KCNMA1: variants seen among roughly 807,000 people sequenced by gnomAD.
KCNMA1 encodes the protein potassium calcium-activated channel subfamily M alpha 1.
KCNMA1 carries 29 observed loss-of-function variants against 140.0 expected under a neutral mutation model. That is an observed-to-expected ratio of 0.21 (90% confidence interval 0.15 to 0.28). KCNMA1 has a LOEUF of 0.28. Among genes scored for constraint, KCNMA1 ranks in the 10% least tolerant of loss-of-function variants. KCNMA1 has a pLI of 1.00. For synonymous variants in KCNMA1, 612 were observed against 611.9 expected (o/e 1.00, Z 0.00); for missense variants, 880 against 1,602.2 (o/e 0.55, Z 7.70).
intron 2 of KCNMA1, among the ~76,000 whole-genome samples, chr10:77,397,383 C>A (rs185208537): frequency 3.9e-5 from 6 of 152,090 alleles, no homozygotes; most frequent in Admixed American, 2.0e-4. Flanking sequence ...TAATAGTGTA[C>A]ATATTTTGGG....
rs1394556565 is a variant in KCNMA1 at position 77,121,174 on chromosome 10, G to GCTGGTTTATGT, written c.809-127_809-126insACATAAACCAG. ...GGAAGTTCTTGCAGAAGATAAACCA[G>GCTGGTTTATGT]CTGGTACCTCAGACATATTCCTTCA... On this transcript the variant is annotated intron_variant, in intron 5 of 27. Transcript: ENST00000286628. 5.7e-5 allele frequency: 40 copies of GCTGGTTTATGT among 705,142 alleles called. 1 individual carries two copies. The African/African-American group carries it at 6.3e-4, about 11-fold the overall frequency. 43.7% of individuals were successfully genotyped at this position (705,142 alleles called of 1,614,324 possible).
chr10:77,091,483 C>G (rs1339718709), intron 9 of KCNMA1: 1 of 152,172 alleles, frequency 6.6e-6, no homozygotes, highest in Non-Finnish European at 1.5e-5. Flanking sequence ...CAGGAGTGAG[C>G]ATTTGATGCA....
chr10:77,609,066 C>T (rs2085696305), intron 1 of KCNMA1, among the ~76,000 whole-genome samples: 1 of 152,152 alleles, frequency 6.6e-6, no homozygotes, highest in Non-Finnish European at 1.5e-5. Context: ...AATAGAACTA[C>T]CATATGATCC....
intron 25 of KCNMA1, among the ~76,000 whole-genome samples, chr10:76,895,731 T>C (rs2042203606): frequency 2.0e-5 from 3 of 152,118 alleles, no homozygotes; most frequent in Admixed American, 6.6e-5. Context: ...TCCTTAAGTG[T>C]CGGCCAGTCT....
In KCNMA1 at chr10:77,079,550, T is replaced by A; in HGVS notation, c.1524A>T (p.Arg508Ser). 1 of 1,600,110 alleles carries A rather than the reference T, an allele frequency of 6.2e-7. No homozygotes were observed. Among genetic ancestry groups the A allele is most frequent in the Non-Finnish European group, 8.6e-7 (1 of 1,167,276 alleles). Residue 508 changes from arginine (R) to serine (S), a missense_variant and splice_region_variant, in exon 13 of 28, where the codon AGA becomes AGT. Physicochemically the swap from Arg to Ser is moderately radical, Grantham distance 110 (BLOSUM62 -1). Around this residue, in one of 13 missense-constraint regions of KCNMA1, gnomAD observed 198 missense variants for 580.1 expected, o/e 0.34. Coordinates refer to ENST00000286628, the MANE Select transcript of KCNMA1 (RefSeq NM_001161352.2). ...PDAEDASNIMRVISIKNYHPK... is the reference protein window; with the variant it reads ...PDAEDASNIMSVISIKNYHPK... ...GATGGTAGTTCTTTATGGAGATTAC[T>A]CTGAAAAAGAAAGAACCAATGCTGA...
chr10:76,928,254 T>C (rs926661145), intron 23 of KCNMA1, among the ~76,000 whole-genome samples: 2 of 144,724 alleles, frequency 1.4e-5, no homozygotes, highest in Non-Finnish European at 3.0e-5. Flanking sequence ...TTCAGAAAAA[T>C]ACACACACAC....
At chr10:77,473,852 CT>C (rs2098220861) in intron 1 of KCNMA1, among the ~76,000 whole-genome samples, 1 of 152,186 alleles carries the variant, frequency 6.6e-6, no homozygotes, top group Non-Finnish European at 1.5e-5. Flanking sequence ...GTCACCATGG[CT>C]ATAAATAAGT....
At chr10:77,129,967 T>C (rs1432445318) in intron 5 of KCNMA1, among the ~76,000 whole-genome samples, 1 of 152,308 alleles carries the variant, frequency 6.6e-6, no homozygotes, top group Admixed American at 6.5e-5. Flanking sequence ...CCTTACAGAC[T>C]CTGCACCCAT....
chr10:77,057,415 G>T (rs1191999030), intron 14 of KCNMA1, among the ~76,000 whole-genome samples: 2 of 152,046 alleles, frequency 1.3e-5, no homozygotes, highest in Non-Finnish European at 2.9e-5. Context: ...ACATAAGTTG[G>T]ACAAACAGAA....
intron 2 of KCNMA1, among the ~76,000 whole-genome samples, chr10:77,351,379 T>C (rs572208933): frequency 6.6e-6 from 1 of 152,322 alleles, no homozygotes; most frequent in Non-Finnish European, 1.5e-5. Context: ...GAAAATTCTA[T>C]AGATATTCTC....
At position 77,243,857 on chromosome 10, in the gene KCNMA1, GGA is replaced by G. The variant is rs201348509; in HGVS notation, c.602+7336_602+7337del. On this transcript the variant is annotated intron_variant, in intron 3 of 27. Coordinates refer to ENST00000286628, the MANE Select transcript of KCNMA1 (RefSeq NM_001161352.2). ...AAAAAGAGAGGGAGACAGTGGGGAG[GGA>G]GAGAGAGAGATTAGTAGGAGGGTCA... Among the ~76,000 whole-genome samples, 103 of 152,158 alleles carry G rather than the reference GGA, an allele frequency of 6.8e-4. 2 individuals are homozygous for G. In the East Asian group the frequency reaches 0.016, roughly 24 times the overall value.
chr10:77,299,762 C>T (rs1193424303), intron 2 of KCNMA1, among the ~76,000 whole-genome samples: 1 of 152,202 alleles, frequency 6.6e-6, no homozygotes, highest in Non-Finnish European at 1.5e-5. Context: ...CTCCCCTTTT[C>T]CATTTCTGCC....
At chr10:77,270,542 T>TC (rs1250920459) in intron 2 of KCNMA1, among the ~76,000 whole-genome samples, 6 of 151,104 alleles carry the variant, frequency 4.0e-5, no homozygotes, top group African/African-American at 1.5e-4. Flanking sequence ...TTTTTTTTTT[T>TC]CCAGGGTCTT....
intron 2 of KCNMA1, among the ~76,000 whole-genome samples, chr10:77,283,477 A>G (rs1290200589): frequency 6.6e-6 from 1 of 152,232 alleles, no homozygotes; most frequent in Non-Finnish European, 1.5e-5. Flanking sequence ...TGATAGGGAC[A>G]GCCGCATTCC....
chr10:77,367,668 C>T (rs908940657), intron 2 of KCNMA1, among the ~76,000 whole-genome samples: 1 of 152,176 alleles, frequency 6.6e-6, no homozygotes, highest in Admixed American at 6.5e-5. Context: ...TACAGAACAA[C>T]TCTGCCCCAA....
intron 20 of KCNMA1, among the ~76,000 whole-genome samples, chr10:76,956,873 A>T (rs1456555001): frequency 6.6e-6 from 1 of 152,130 alleles, no homozygotes; most frequent in African/African-American, 2.4e-5. Context: ...CTGTAATCCC[A>T]GCACTTTGGG....
chr10:76,872,514 C>T (rs1192040071), downstream of KCNMA1: 1 of 152,208 alleles, frequency 6.6e-6, no homozygotes, highest in African/African-American at 2.4e-5. Flanking sequence ...CAAACTTTAT[C>T]TAGGCCTTTA....
rs2093802315 is a variant in KCNMA1, at chr10:77,636,890, G to T, written c.378+375C>A. Reference sequence around the variant, plus strand: ...CCGGCAGGTGAGCGGTGCAAAACACGCACCCAGCTGCCCCCAGCTTCCTCC... The same window carrying T: ...CCGGCAGGTGAGCGGTGCAAAACACTCACCCAGCTGCCCCCAGCTTCCTCC... On this transcript the variant is annotated intron_variant, in intron 1 of 27. Coordinates refer to ENST00000286628, the MANE Select transcript of KCNMA1 (RefSeq NM_001161352.2). 4 of 1,422,006 alleles carry T rather than the reference G, an allele frequency of 2.8e-6. No homozygotes were observed. The highest frequency in any genetic ancestry group is 5.2e-4 in the Middle Eastern group (2 of 3,846). 88.1% of individuals were successfully genotyped at this position (1,422,006 alleles called of 1,614,324 possible).
chr10:77,162,237 G>T (rs1252481581), intron 5 of KCNMA1, among the ~76,000 whole-genome samples: 1 of 152,158 alleles, frequency 6.6e-6, no homozygotes, highest in African/African-American at 2.4e-5. Flanking sequence ...TAATGCTGTG[G>T]ACCAAACAGT....
Sources: allele counts gnomAD v4.1 joint callset (sites outside exome capture counted in the v4.1 genomes callset), GRCh38; gene constraint gnomAD v4.1.1; regional missense constraint gnomAD v4.1.1; transcripts MANE v1.5; gene names NCBI Gene and HGNC (gene_info 2026-07-23, HGNC 2026-07-21).